The following SLC10A6 variants were observed in gnomAD, a reference collection of about 807,000 sequenced individuals.
SLC10A6 encodes solute carrier family 10 member 6, also known as sodium-dependent organic anion transporter.
Under a neutral mutation model 30.0 loss-of-function variants are expected in SLC10A6, and 27 were observed. That is an observed-to-expected ratio of 0.90 (90% CI 0.66 to 1.24). The LOEUF is 1.24. SLC10A6 is among the 50% of genes most tolerant of loss of function. The pLI is 0.00. For missense variants in SLC10A6, 439 were observed against 457.0 expected, an observed-to-expected ratio of 0.96 and a Z score of 0.36; for synonymous variants, 166 against 173.8, an observed-to-expected ratio of 0.95 and a Z score of 0.36.
At chr4:86,836,540 A>G (rs1455066262) in intron 1 of SLC10A6, among the ~76,000 whole-genome samples, 1 of 152,182 alleles carries the variant, frequency 6.6e-6, no homozygotes, top group East Asian at 1.9e-4. Flanking sequence ...AGGAGCAAGA[A>G]GGACCTCACC....
chr4:86,846,773 A>G (rs927938220), intron 1 of SLC10A6, among the ~76,000 whole-genome samples: 9 of 152,232 alleles, frequency 5.9e-5, no homozygotes, highest in Non-Finnish European at 8.8e-5. Flanking sequence ...GTGTGTACAT[A>G]TATATACATA....
At chr4:86,829,371 AC>A (rs1746043723) in intron 3 of SLC10A6, among the ~76,000 whole-genome samples, 3 of 152,176 alleles carry the variant, frequency 2.0e-5, no homozygotes, top group Admixed American at 2.0e-4. Context: ...AGATTGCGCC[AC>A]TGCACTCCAG....
chr4:86,837,828 C>T (rs1746226950), intron 1 of SLC10A6, among the ~76,000 whole-genome samples: 1 of 152,226 alleles, frequency 6.6e-6, no homozygotes, highest in Non-Finnish European at 1.5e-5. Context: ...ACACTGTGCT[C>T]ATTCTGTGCT....
In SLC10A6 at chr4:86,849,171, AGGTCTATCCTGC is replaced by A; in HGVS notation, c.-68_-57del. 1 of 1,546,464 alleles carries A rather than the reference AGGTCTATCCTGC, an allele frequency of 6.5e-7. No individual in the cohort carries two copies. The highest frequency in any genetic ancestry group is 2.0e-5 in the Admixed American group (1 of 50,642). On this transcript the variant is annotated 5_prime_UTR_variant, in exon 1 of 6. An upstream open reading frame in the 5' UTR loses its in-frame stop. Transcript: ENST00000273905. ...TGAACATCGGCAACAATGGCTGGGC[AGGTCTATCCTGC>A]CACATTTTGTAATAGTGCAACGAAG... is the stretch of plus-strand genomic sequence containing the variant.
At chr4:86,824,028 GA>G (rs1745933060) in intron 5 of SLC10A6, 126 bp from the exon 6 acceptor site, 1 of 776,640 alleles carries the variant, frequency 1.3e-6, no homozygotes, top group East Asian at 2.7e-5. Flanking sequence ...AACACCCAGG[GA>G]AAAGAAGGGG....
intron 5 of SLC10A6, 36 bp downstream of exon 5, chr4:86,825,384 C>T (rs377315548): frequency 6.7e-5 from 104 of 1,549,284 alleles, no homozygotes; most frequent in African/African-American, 8.1e-5. Context: ...AACAATTTCC[C>T]GTCAGTTATT....
intron 4 of SLC10A6, among the ~76,000 whole-genome samples, chr4:86,827,329 G>A (rs989009597): frequency 1.3e-5 from 2 of 152,174 alleles, no homozygotes; most frequent in African/African-American, 4.8e-5. Flanking sequence ...TTTCTCTGAA[G>A]GGTCTGCTCA....
intron 1 of SLC10A6, among the ~76,000 whole-genome samples, chr4:86,842,859 T>TTTCTTTCC: frequency 3.6e-5 from 2 of 54,904 alleles, no homozygotes; most frequent in Non-Finnish European, 6.6e-5. Flanking sequence ...TCTTTCTTTC[T>TTTCTTTCC]TTCTTTCTTT....
chr4:86,837,283 GAA>G (rs1167114840), intron 1 of SLC10A6, among the ~76,000 whole-genome samples: 1,359 of 91,532 alleles, frequency 0.015, 60 homozygotes, highest in South Asian at 0.022. Flanking sequence ...AAGAAAGAAA[GAA>G]AAAGAAAGGA....
rs1560460481 is a variant in SLC10A6, at chr4:86,837,327, A to AGGG, written c.378-3904_378-3903insCCC. 1.5e-5 allele frequency among the ~76,000 whole-genome samples: 2 copies of AGGG among 131,774 alleles called. 1 individual carries two copies. The highest frequency in any genetic ancestry group is 4.6e-4 in the East Asian group (2 of 4,382). The allele number at this position is 131,774 out of a possible 152,430, so 86.4% of individuals were successfully genotyped here. A position where few individuals can be genotyped will look rare whatever the true frequency, so the allele number is the denominator to read the frequency against. On this transcript the variant is annotated intron_variant, in intron 1 of 5. Transcript: ENST00000273905. ...GAAGGAAGGAAGGAAGGAAGGAAGGAAGGAAGGAAGGAAGGAAGGCAGGCA... is the reference window on the plus strand; with the variant it reads ...GAAGGAAGGAAGGAAGGAAGGAAGGAGGGAGGAAGGAAGGAAGGAAGGCAGGCA...
At chr4:86,844,090 A>G (rs1746353398) in intron 1 of SLC10A6, among the ~76,000 whole-genome samples, 1 of 152,184 alleles carries the variant, frequency 6.6e-6, no homozygotes, top group Admixed American at 6.5e-5. Context: ...AGGCAGGAGA[A>G]TGGTGTGAAC....
In SLC10A6 at chr4:86,823,669, T is replaced by A. The variant is rs1182959093; in HGVS notation, c.*19A>T. ...GGCCACTGAAAAAGAAGGGGGCCAG[T>A]CCAGCCAGCTAGTCCCTGCTATTCA... On this transcript the variant is annotated 3_prime_UTR_variant, in exon 6 of 6. Transcript: ENST00000273905. 6 of 1,562,872 alleles carry A rather than the reference T, an allele frequency of 3.8e-6. No homozygotes were observed. The highest frequency in any genetic ancestry group is 5.2e-6 in the Non-Finnish European group (6 of 1,155,330).
chr4:86,844,199 T>A (rs13127846), intron 1 of SLC10A6, among the ~76,000 whole-genome samples: 55,640 of 151,840 alleles, frequency 0.37, 12,599 homozygotes, highest in African/African-American at 0.64. Flanking sequence ...AAATAAAAAT[T>A]AAAAAATAGA....
intron 1 of SLC10A6, among the ~76,000 whole-genome samples, chr4:86,834,023 A>T (rs1313604692): frequency 6.6e-6 from 1 of 152,108 alleles, no homozygotes; most frequent in Admixed American, 6.6e-5. Flanking sequence ...TCGACGTTTG[A>T]TAATAGTTTG....
chr4:86,847,735 C>G (rs907213105), intron 1 of SLC10A6, among the ~76,000 whole-genome samples: 4 of 152,202 alleles, frequency 2.6e-5, no homozygotes, highest in African/African-American at 9.6e-5. Flanking sequence ...TCACTGATGT[C>G]AACTCCCAGC....
chr4:86,835,090 A>C (rs1050126242), intron 1 of SLC10A6, among the ~76,000 whole-genome samples: 3 of 152,096 alleles, frequency 2.0e-5, no homozygotes, highest in Non-Finnish European at 4.4e-5. Context: ...GAGGACAAAC[A>C]CCCAAACCAC....
intron 1 of SLC10A6, among the ~76,000 whole-genome samples, chr4:86,838,347 C>T (rs989583771): frequency 6.6e-6 from 1 of 152,170 alleles, no homozygotes; most frequent in Non-Finnish European, 1.5e-5. Context: ...AGTGGCATGA[C>T]AGCCAGGTCC....
chr4:86,828,023 A>G lies in SLC10A6; in HGVS notation c.731T>C (p.Leu244Pro). The change falls in exon 4 of 6, where the codon CTG becomes CCG. Residue 244 changes from leucine (L) to proline (P), a missense_variant. Coordinates refer to ENST00000273905, the MANE Select transcript of SLC10A6 (RefSeq NM_197965.3). ...PLIGHVTGFL[L>P]ALFTHQSWQR... is the part of the protein sequence containing the mutation. ...CCAAGACTGGTGGGTAAAAAGTGCC[A>G]GCAGAAAACCCGTGACATGGCCAAT... The G allele has an allele frequency of 6.2e-7, 1 of 1,613,964 alleles. No homozygotes were observed. The highest frequency in any genetic ancestry group is 8.5e-7 in the Non-Finnish European group (1 of 1,179,962).
chr4:86,836,331 T>A (rs1746184401), intron 1 of SLC10A6, among the ~76,000 whole-genome samples: 1 of 152,232 alleles, frequency 6.6e-6, no homozygotes, highest in African/African-American at 2.4e-5. Context: ...GTATCGTGAT[T>A]ACTGCTATGG....
Sources: gnomAD v4.1 joint callset for allele counts (sites outside exome capture counted in the v4.1 genomes callset) on GRCh38, gnomAD v4.1.1 for gene constraint, MANE v1.5 for transcripts, NCBI Gene and HGNC (gene_info 2026-07-23, HGNC 2026-07-21) for gene names.